Variants in BHMT2 observed in about 807,000 individuals in gnomAD.
The protein encoded by BHMT2 is S-methylmethionine--homocysteine S-methyltransferase BHMT2.
Under a neutral mutation model 39.0 loss-of-function variants are expected in BHMT2, and 28 were observed. That is an observed-to-expected ratio of 0.72 (90% confidence interval 0.53 to 0.98). The LOEUF is 0.98. Among genes scored for constraint, BHMT2 ranks in the 50% least tolerant of loss-of-function variants. BHMT2 has a pLI of 0.00. For synonymous variants in BHMT2, 145 were observed against 160.6 expected (o/e 0.90, Z 0.74); for missense variants, 410 against 455.6 (o/e 0.90, Z 0.91).
At chr5:79,071,656 C>T (rs982269580) in intron 1 of BHMT2, among the ~76,000 whole-genome samples, 1 of 151,838 alleles carries the variant, frequency 6.6e-6, no homozygotes, top group Non-Finnish European at 1.5e-5. Flanking sequence ...TGGGGCCTAT[C>T]GAAGGGTGGA....
At chr5:79,086,270 A>G (rs1011545852) in intron 7 of BHMT2, among the ~76,000 whole-genome samples, 1 of 152,190 alleles carries the variant, frequency 6.6e-6, no homozygotes, top group African/African-American at 2.4e-5. Context: ...ACAAGCCATG[A>G]GAGTGTGGTC....
intron 3 of BHMT2, 70 bp from the exon 4 acceptor site, chr5:79,080,617 T>C: frequency 7.2e-7 from 1 of 1,392,908 alleles, no homozygotes; most frequent in Non-Finnish European, 9.7e-7. Context: ...TATTGTCCCT[T>C]TAGTTATCTT....
intron 5 of BHMT2, 65 bp from the exon 6 acceptor site, chr5:79,083,127 C>A: frequency 6.3e-7 from 1 of 1,587,780 alleles, no homozygotes; most frequent in Non-Finnish European, 8.6e-7. Context: ...AAGGTACCTT[C>A]CAACTATTAA....
At chr5:79,073,558 A>G (rs1384779178) in intron 1 of BHMT2, among the ~76,000 whole-genome samples, 2 of 152,196 alleles carry the variant, frequency 1.3e-5, no homozygotes, top group Non-Finnish European at 2.9e-5. Context: ...CCTTTTTTAT[A>G]TTTCAAAAGT....
chr5:79,083,016 T>C, intron 5 of BHMT2, 60 bp downstream of exon 5: 1 of 1,604,868 alleles, frequency 6.2e-7, no homozygotes, highest in Middle Eastern at 1.7e-4. Context: ...TTTAACAAAG[T>C]GTGCTTGATA....
Position 79,083,339 on chromosome 5 carries a change from A to T in BHMT2, c.746A>T (p.Lys249Ile). The T allele has an allele frequency of 6.2e-7, 1 of 1,608,198 alleles. No individual in the cohort carries two copies. Among genetic ancestry groups the T allele is most frequent in the Non-Finnish European group, 8.5e-7 (1 of 1,176,248 alleles). Residue 249 changes from lysine to isoleucine, a missense_variant, in exon 6 of 8, where the codon AAA (lysine) becomes ATA (isoleucine). By Grantham distance (102) the Lys-to-Ile change is moderately radical. Coordinates refer to ENST00000255192, the MANE Select transcript of BHMT2 (RefSeq NM_017614.5). ...PLGFHAPDCGKEGFVDLPEYP... is the reference protein window; with the variant it reads ...PLGFHAPDCGIEGFVDLPEYP... ...GGGTTCCACGCGCCTGACTGTGGCA[A>T]AGAGGGGTTTGTGGATCTCCCAGAA... is the stretch of plus-strand genomic sequence containing the variant.
chr5:79,088,985 T>C lies in BHMT2; in HGVS notation c.*411T>C, dbSNP rs1755962738. ...GACTAAGCTAGATACTTGAGGATGATAGAGCAACACTAAACTAAAGCAATG... is the reference window on the plus strand; with the variant it reads ...GACTAAGCTAGATACTTGAGGATGACAGAGCAACACTAAACTAAAGCAATG... On this transcript the variant is annotated 3_prime_UTR_variant, in exon 8 of 8. Coordinates refer to ENST00000255192, the MANE Select transcript of BHMT2 (RefSeq NM_017614.5). 1 of 158,406 alleles carries C rather than the reference T, an allele frequency of 6.3e-6. No individual in the cohort carries two copies. The highest frequency in any genetic ancestry group is 2.4e-5 in the African/African-American group (1 of 41,544). The allele number at this position is 158,406 out of a possible 1,614,324, so 9.8% of individuals were successfully genotyped here.
chr5:79,082,596 G>A (rs1227769602), intron 4 of BHMT2: 1 of 427,506 alleles, frequency 2.3e-6, no homozygotes, highest in Non-Finnish European at 4.0e-6. Flanking sequence ...AACCCTGAAT[G>A]AAAAACTATA....
chr5:79,085,235 G>C (rs1401980421), intron 7 of BHMT2, among the ~76,000 whole-genome samples: 1 of 152,072 alleles, frequency 6.6e-6, no homozygotes, highest in Non-Finnish European at 1.5e-5. Flanking sequence ...TTTTATTTTT[G>C]TCTCCCTCTA....
In BHMT2 at chr5:79,080,764, G is replaced by C. The variant is rs1227177504; in HGVS notation, c.336G>C (p.Gly112=). The C allele has an allele frequency of 6.2e-7, 1 of 1,605,140 alleles. No individual in the cohort carries two copies. The highest frequency in any genetic ancestry group is 1.3e-5 in the African/African-American group (1 of 74,396). The part of the protein sequence containing the change: ...AGKGDALVAG[G]ICQTSIYKYQ... ...AAGGTGATGCTTTGGTAGCAGGGGGGATCTGCCAGACATCAATATACAAAT... is the reference window on the plus strand; with the variant it reads ...AAGGTGATGCTTTGGTAGCAGGGGGCATCTGCCAGACATCAATATACAAAT... The change falls in exon 4 of 8, where the codon GGG becomes GGC. Residue 112 remains glycine, a synonymous_variant. Transcript: ENST00000255192.
At position 79,088,476 on chromosome 5, in the gene BHMT2, T is replaced by C; in HGVS notation, c.1011-17T>C. 1 of 1,605,714 alleles carries C rather than the reference T, an allele frequency of 6.2e-7. No homozygotes were observed. The highest frequency in any genetic ancestry group is 8.5e-7 in the Non-Finnish European group (1 of 1,173,858). ...TAAGACTTTTAATTAATTAATTATG[T>C]ATATATTGAAACACAGGGCTCGAAG... On this transcript the variant is annotated splice_polypyrimidine_tract_variant and intron_variant, in intron 7 of 7. Transcript: ENST00000255192.
At chr5:79,083,053 A>G in intron 5 of BHMT2, 97 bp downstream of exon 5, 1 of 1,578,328 alleles carries the variant, frequency 6.3e-7, no homozygotes, top group South Asian at 1.1e-5. Context: ...GAAATAGAAG[A>G]ATGAACTCCA....
Position 79,070,426 on chromosome 5 carries a change from G to A in BHMT2, c.33+611G>A, listed in dbSNP as rs12108714. Among the ~76,000 whole-genome samples, 1,054 of 152,196 alleles carry A rather than the reference G, an allele frequency of 6.9e-3. 15 individuals are homozygous for A. The highest frequency in any genetic ancestry group is 0.024 in the African/African-American group (1,002 of 41,512). On this transcript the variant is annotated intron_variant, in intron 1 of 7. Coordinates refer to ENST00000255192, the MANE Select transcript of BHMT2 (RefSeq NM_017614.5). ...CTCACCCGGTGGTCCCCAGCTCCTGGCCCCTTTCCTGGTCTGGTCACCAGA... is the reference window on the plus strand; with the variant it reads ...CTCACCCGGTGGTCCCCAGCTCCTGACCCCTTTCCTGGTCTGGTCACCAGA...
At chr5:79,075,047 G>A (rs1755649496) in intron 1 of BHMT2, among the ~76,000 whole-genome samples, 4 of 152,146 alleles carry the variant, frequency 2.6e-5, no homozygotes, top group Non-Finnish European at 4.4e-5. Flanking sequence ...TAGCCTTGGG[G>A]GCCATACAGT....
At position 79,079,350 on chromosome 5, in the gene BHMT2, A is replaced by G; in HGVS notation, c.167-19A>G. ...CTTTATTCATTTATTTCAATGTTTA[A>G]AACCCAACTACTTTGTAGTTCGTCA... On this transcript the variant is annotated intron_variant, in intron 2 of 7. Coordinates refer to ENST00000255192, the MANE Select transcript of BHMT2 (RefSeq NM_017614.5). 6.4e-7 allele frequency: 1 copy of G among 1,567,128 alleles called. No individual in the cohort carries two copies. The highest frequency in any genetic ancestry group is 1.1e-5 in the South Asian group (1 of 87,832).
intron 1 of BHMT2, among the ~76,000 whole-genome samples, chr5:79,074,434 T>C (rs1192478072): frequency 6.6e-6 from 1 of 152,234 alleles, no homozygotes; most frequent in Non-Finnish European, 1.5e-5. Context: ...GTTGCTTTTA[T>C]TAGATCCAGG....
chr5:79,084,104 A>G (rs1023838563), intron 7 of BHMT2, among the ~76,000 whole-genome samples: 5 of 152,104 alleles, frequency 3.3e-5, no homozygotes, highest in African/African-American at 1.2e-4. Flanking sequence ...GGAGACTGCA[A>G]AGTCCAAGAT....
intron 1 of BHMT2, among the ~76,000 whole-genome samples, chr5:79,072,436 A>AT (rs1268092536): frequency 6.6e-6 from 1 of 152,140 alleles, no homozygotes; most frequent in Non-Finnish European, 1.5e-5. Flanking sequence ...AAAGAGTAAC[A>AT]TTTTTTCTTC....
At chr5:79,072,330 G>A (rs1220334828) in intron 1 of BHMT2, among the ~76,000 whole-genome samples, 1 of 151,656 alleles carries the variant, frequency 6.6e-6, no homozygotes, top group Non-Finnish European at 1.5e-5. Flanking sequence ...CAAACATCCA[G>A]ATAACAAATG....
Sources: gnomAD v4.1 joint callset for allele counts (sites outside exome capture counted in the v4.1 genomes callset) on GRCh38, gnomAD v4.1.1 for gene constraint, MANE v1.5 for transcripts, NCBI Gene and HGNC (gene_info 2026-07-23, HGNC 2026-07-21) for gene names.